PML: variants seen among roughly 807,000 people sequenced by gnomAD.
The protein encoded by PML is protein PML.
In PML, 28 loss-of-function variants were observed where a neutral mutation model predicts 65.2. The observed-to-expected ratio is 0.43, with a 90% confidence interval of 0.32 to 0.59. The LOEUF is 0.59. PML is among the 20% of genes least tolerant of loss of function. The pLI, the probability that PML is intolerant of heterozygous loss-of-function variation, is 0.08. For synonymous variants in PML, 500 were observed against 508.8 expected (o/e 0.98, Z 0.23); for missense variants, 1,021 against 1,203.4 (o/e 0.85, Z 2.24).
intron 6 of PML, 183 bp from the exon 7 acceptor site, chr15:74,034,295 T>C: frequency 1.4e-6 from 1 of 731,636 alleles, no homozygotes; most frequent in South Asian, 1.5e-5. Context: ...CATTTGTGAA[T>C]TACTCAAATC....
Position 74,045,273 on chromosome 15 carries a change from C to A in PML, c.*265C>A. 1 of 492,018 alleles carries A rather than the reference C, an allele frequency of 2.0e-6. No individual in the cohort carries two copies. The allele number at this position is 492,018 out of a possible 1,614,324, so 30.5% of individuals were successfully genotyped here. ...TTCCAGGAGCTAGAACCAGGGAGGT[C>A]CTGAGTGAGGAAGGCATGACCTCTG... On this transcript the variant is annotated 3_prime_UTR_variant, in exon 9 of 9. Transcript: ENST00000268058.
In PML at chr15:74,037,665, A is replaced by G. The variant is rs907268880; in HGVS notation, c.1710+3135A>G. 3.0e-6 allele frequency: 3 copies of G among 985,118 alleles called. No homozygotes were observed. Among genetic ancestry groups the G allele is most frequent in the Non-Finnish European group, 3.6e-6 (3 of 829,890 alleles). 61.0% of individuals were successfully genotyped at this position (985,118 alleles called of 1,614,324 possible). On this transcript the variant is annotated intron_variant, in intron 7 of 8. Transcript: ENST00000268058. The surrounding 1 kb of genome is among the most constrained non-coding windows in gnomAD (Gnocchi z 4.2). ...TGCAGTGTCGCGTTTAGTCGTTATT[A>G]TTCTTGACCGGCGCTGGGCCCGGTC...
chr15:74,014,719 G>T (rs745357255), intron 2 of PML, among the ~76,000 whole-genome samples: 7 of 151,150 alleles, frequency 4.6e-5, no homozygotes, highest in Non-Finnish European at 7.4e-5. Context: ...CCGAGATCAT[G>T]CCACTGCACT....
intron 2 of PML, among the ~76,000 whole-genome samples, chr15:74,014,068 C>T (rs1383685801): frequency 1.3e-5 from 2 of 152,200 alleles, no homozygotes; most frequent in Non-Finnish European, 2.9e-5. Context: ...TTATGACAGG[C>T]ATACTGGCCA....
chr15:74,025,837 CA>C (rs923649105), intron 4 of PML: 6 of 152,278 alleles, frequency 3.9e-5, no homozygotes. Context: ...CCTAGTCACT[CA>C]GGTTTGCATG....
chr15:74,024,051 C>T (rs2070964769), intron 3 of PML, among the ~76,000 whole-genome samples: 1 of 151,784 alleles, frequency 6.6e-6, no homozygotes, highest in Admixed American at 6.6e-5. Flanking sequence ...AATCCAAATC[C>T]GGGAGATGTA....
At chr15:74,033,823 A>C in intron 6 of PML, 1 of 514,220 alleles carries the variant, frequency 1.9e-6, no homozygotes, top group East Asian at 3.0e-5. Flanking sequence ...TCATTTCCCC[A>C]AGTGTTTCTG....
rs2071779224 is a variant in PML at position 74,047,167 on chromosome 15, T to C, written c.*2159T>C. On this transcript the variant is annotated 3_prime_UTR_variant, in exon 9 of 9. Transcript: ENST00000268058. ...GGCTAATCCTGTACTTCTCTCTGTG[T>C]TCCTTGAGTGACAGGTGGTAAAACC... 1 of 231,048 alleles carries C rather than the reference T, an allele frequency of 4.3e-6. No homozygotes were observed. The highest frequency in any genetic ancestry group is 2.2e-5 in the African/African-American group (1 of 45,210). The allele number at this position is 231,048 out of a possible 1,614,324, so 14.3% of individuals were successfully genotyped here.
In PML at chr15:74,035,429, C is replaced by G; in HGVS notation, c.1710+899C>G. 6.2e-7 allele frequency: 1 copy of G among 1,612,280 alleles called. No individual in the cohort carries two copies. On this transcript the variant is annotated intron_variant, in intron 7 of 8. Coordinates refer to ENST00000268058, the MANE Select transcript of PML (RefSeq NM_033238.3). This position sits in a 1 kb window ranked among gnomAD's most constrained non-coding sequence, Gnocchi z 4.1. ...GCCCTGCCGTCCACCGTGGGATCCG[C>G]TACCTGTTGTACAGAGCACAGAGAG...
chr15:74,013,860 A>G (rs779989875), intron 2 of PML, among the ~76,000 whole-genome samples: 1 of 152,230 alleles, frequency 6.6e-6, no homozygotes, highest in Non-Finnish European at 1.5e-5. Context: ...TGCAACATTT[A>G]CCGGCATGTA....
intron 2 of PML, among the ~76,000 whole-genome samples, chr15:74,022,144 A>G (rs142615455): frequency 0.043 from 6,500 of 152,186 alleles, 169 homozygotes; most frequent in African/African-American, 0.065. Context: ...TTTAGTAGAG[A>G]CGGGGTTTCT....
At chr15:74,029,281 C>G (rs999998358) in intron 4 of PML, among the ~76,000 whole-genome samples, 2 of 151,916 alleles carry the variant, frequency 1.3e-5, no homozygotes, top group East Asian at 3.8e-4. Flanking sequence ...TATATTATAT[C>G]TTAACTTATA....
chr15:73,998,511 C>A, intron 2 of PML, 35 bp downstream of exon 2: 2 of 1,561,166 alleles, frequency 1.3e-6, no homozygotes, highest in Non-Finnish European at 1.8e-6. Context: ...GTGGTGCATC[C>A]AAGTACCAGG....
At chr15:73,999,264 C>G (rs1378409936) in intron 2 of PML, among the ~76,000 whole-genome samples, 1 of 152,162 alleles carries the variant, frequency 6.6e-6, no homozygotes, top group Non-Finnish European at 1.5e-5. Flanking sequence ...AAAAAGGTAG[C>G]ATAACTATGT....
intron 2 of PML, among the ~76,000 whole-genome samples, chr15:74,011,667 C>T (rs933211112): frequency 5.9e-5 from 9 of 152,190 alleles, no homozygotes; most frequent in Admixed American, 2.0e-4. Context: ...GCAACCTTTC[C>T]TGTTGACAAA....
chr15:74,022,754 G>T (rs1567129257), intron 2 of PML, 74 bp from the exon 3 acceptor site: 2 of 1,187,488 alleles, frequency 1.7e-6, no homozygotes, highest in Non-Finnish European at 1.2e-6. Flanking sequence ...TTTGGAAGAG[G>T]AATTTAATAA....
chr15:73,995,736 CTTTG>C (rs1033337807), intron 1 of PML, among the ~76,000 whole-genome samples: 9 of 151,546 alleles, frequency 5.9e-5, no homozygotes, highest in Non-Finnish European at 1.3e-4. Flanking sequence ...GTTTGTTTTG[CTTTG>C]TTTTTTGTTT....
chr15:74,036,377 A>T, intron 7 of PML: 1 of 1,373,622 alleles, frequency 7.3e-7, no homozygotes, highest in Non-Finnish European at 9.4e-7. Flanking sequence ...TGCTCAATAA[A>T]CACTTGTTGA....
In PML at chr15:74,035,520, T is replaced by C. The variant is rs200400610; in HGVS notation, c.1710+990T>C. 3.1e-4 allele frequency: 498 copies of C among 1,611,150 alleles called. 1 individual carries two copies. Among genetic ancestry groups the C allele is most frequent in the Admixed American group, 1.3e-3 (81 of 60,002 alleles). Reference sequence around the variant, plus strand: ...GCATCGGGCCCCTATTCGGACTTGGTCTCCCCATGTGGTCCAAGCCAGCAC... The same window carrying C: ...GCATCGGGCCCCTATTCGGACTTGGCCTCCCCATGTGGTCCAAGCCAGCAC... On this transcript the variant is annotated intron_variant, in intron 7 of 8. Transcript: ENST00000268058. The surrounding 1 kb of genome is among the most constrained non-coding windows in gnomAD (Gnocchi z 4.1).
Sources: gnomAD v4.1 joint callset for allele counts (sites outside exome capture counted in the v4.1 genomes callset) on GRCh38, gnomAD v4.1.1 for gene constraint, Gnocchi (gnomAD v3.1) non-coding constraint, MANE v1.5 for transcripts, NCBI Gene and HGNC (gene_info 2026-07-23, HGNC 2026-07-21) for gene names.